The following SNX25 variants were observed in gnomAD, a reference collection of about 807,000 sequenced individuals.
The protein encoded by SNX25 is sorting nexin 25.
Under a neutral mutation model 113.7 loss-of-function variants are expected in SNX25, and 62 were observed. That is an observed-to-expected ratio of 0.55 (90% confidence interval 0.44 to 0.67). The LOEUF (loss-of-function observed/expected upper bound fraction) is 0.67. Among genes scored for constraint, SNX25 ranks in the 30% least tolerant of loss-of-function variants. The pLI is 0.00. For synonymous variants in SNX25, 421 were observed against 436.2 expected, an observed-to-expected ratio of 0.97 and a Z score of 0.43; for missense variants, 1,014 against 1,161.0, an observed-to-expected ratio of 0.87 and a Z score of 1.84.
chr4:185,248,777 C>T (rs931672347), intron 2 of SNX25, among the ~76,000 whole-genome samples: 4 of 152,310 alleles, frequency 2.6e-5, no homozygotes, highest in Admixed American at 1.3e-4. Context: ...TGTATAACCA[C>T]CTCATTCAAA....
chr4:185,216,512 G>GTTTTTTTTTT (rs1560894560), intron 1 of SNX25, among the ~76,000 whole-genome samples: 3 of 117,856 alleles, frequency 2.5e-5, no homozygotes, highest in Middle Eastern at 4.1e-3. Flanking sequence ...GTGTGTATTT[G>GTTTTTTTTTT]GTTTTTTTTT....
chr4:185,310,711 G>C lies in SNX25; in HGVS notation c.1239G>C (p.Val413=), dbSNP rs1362812460. ...AGAGGTACATCAACCAACTGACTGTGGCAAAGAAGCAGTGTGAGAAGAGAA... is the reference window on the plus strand; with the variant it reads ...AGAGGTACATCAACCAACTGACTGTCGCAAAGAAGCAGTGTGAGAAGAGAA... ...NMKRYINQLT[V]AKKQCEKRIR... The change falls in exon 7 of 19, where the codon GTG becomes GTC. Residue 413 remains valine (V), a synonymous_variant. Coordinates refer to ENST00000652585, the MANE Select transcript of SNX25 (RefSeq NM_001378034.2). The C allele has an allele frequency of 7.4e-6, 12 of 1,614,106 alleles. No individual in the cohort carries two copies. The highest frequency in any genetic ancestry group is 1.0e-5 in the Non-Finnish European group (12 of 1,179,990).
chr4:185,253,888 G>C (rs114316096), intron 2 of SNX25, among the ~76,000 whole-genome samples: 1 of 152,226 alleles, frequency 6.6e-6, no homozygotes, highest in African/African-American at 2.4e-5. Flanking sequence ...GTCATAACTT[G>C]AAAACAATCA....
At chr4:185,293,005 C>G (rs963468199) in intron 6 of SNX25, among the ~76,000 whole-genome samples, 20 of 152,266 alleles carry the variant, frequency 1.3e-4, no homozygotes, top group Non-Finnish European at 5.9e-5. Context: ...AAAATACTTG[C>G]AAATCATGTA....
rs186537895 is a variant in SNX25, at chr4:185,300,208, G to A, written c.1163-10427G>A. Among the ~76,000 whole-genome samples the A allele has an allele frequency of 1.8e-3, 268 of 151,892 alleles. 2 individuals carry two copies. The highest frequency in any genetic ancestry group is 0.014 in the East Asian group (71 of 5,172). The stretch of plus-strand genomic sequence containing the variant: ...GGAGCCTCGCTCTGTCGCCCAGGCC[G>A]GAGTGCGATGGCACGATCTCAGCTC... On this transcript the variant is annotated intron_variant, in intron 6 of 18. Transcript: ENST00000652585.
At chr4:185,373,224 C>G (rs2095421956), downstream of SNX25, 2 of 701,794 alleles carry the variant, frequency 2.8e-6, no homozygotes, top group Non-Finnish European at 4.7e-6. Context: ...GGACGCATTT[C>G]ACACTAGCAC....
At chr4:185,264,157 C>T (rs1239119428) in intron 3 of SNX25, among the ~76,000 whole-genome samples, 1 of 152,050 alleles carries the variant, frequency 6.6e-6, no homozygotes, top group African/African-American at 2.4e-5. Flanking sequence ...AATACTCGTA[C>T]CTTTTTAGAT....
At chr4:185,315,185 G>A (rs2095062486) in intron 7 of SNX25, among the ~76,000 whole-genome samples, 1 of 150,218 alleles carries the variant, frequency 6.7e-6, no homozygotes, top group Non-Finnish European at 1.5e-5. Flanking sequence ...CCGAGATTGT[G>A]CCACTGCACT....
intron 9 of SNX25, among the ~76,000 whole-genome samples, chr4:185,327,831 G>C (rs1216379056): frequency 6.6e-6 from 1 of 152,186 alleles, no homozygotes; most frequent in East Asian, 1.9e-4. Context: ...CACAAGCAAA[G>C]ATTATTCTGT....
Position 185,363,365 on chromosome 4 carries a change from T to G in SNX25, c.2935-20T>G. 2 of 1,613,224 alleles carry G rather than the reference T, an allele frequency of 1.2e-6. No homozygotes were observed. Among genetic ancestry groups the G allele is most frequent in the Non-Finnish European group, 1.7e-6 (2 of 1,179,446 alleles). ...TGGAGAAAAACATTTTTCCACTTTT[T>G]TCCTTCTTTGTTGGTTCAGGCGCTG... is the stretch of plus-strand genomic sequence containing the variant. On this transcript the variant is annotated intron_variant, in intron 18 of 18. Coordinates refer to ENST00000652585, the MANE Select transcript of SNX25 (RefSeq NM_001378034.2). The surrounding 1 kb of genome is among the most constrained non-coding windows in gnomAD (Gnocchi z 4.2).
At chr4:185,217,227 T>G (rs1738999884) in intron 1 of SNX25, among the ~76,000 whole-genome samples, 1 of 148,802 alleles carries the variant, frequency 6.7e-6, no homozygotes, top group Admixed American at 6.8e-5. Context: ...CACTCCAGCC[T>G]GGGTGATAGA....
At chr4:185,294,259 C>A (rs1752562226) in intron 6 of SNX25, among the ~76,000 whole-genome samples, 1 of 152,170 alleles carries the variant, frequency 6.6e-6, no homozygotes, top group Non-Finnish European at 1.5e-5. Context: ...CCCATTGCTG[C>A]AGGCTGGTGA....
rs1211704653 is a variant in SNX25, at chr4:185,210,204, C to T, written c.378C>T (p.Ala126=). The change falls in exon 1 of 19, where the codon GCC becomes GCT. Residue 126 remains alanine (A), a synonymous_variant. Transcript: ENST00000652585. This position sits in a 1 kb window ranked among gnomAD's most constrained non-coding sequence, Gnocchi z 4.4. ...RSPRAQPPDF[A]AAWSRLAATS... The stretch of plus-strand genomic sequence containing the variant: ...CGCGCGCCCAGCCGCCCGACTTCGC[C>T]GCCGCCTGGAGCCGGCTGGCCGCGA... 1.0e-6 allele frequency: 1 copy of T among 984,872 alleles called. No homozygotes were observed. Among genetic ancestry groups the T allele is most frequent in the African/African-American group, 1.8e-5 (1 of 57,078 alleles). 61.0% of individuals were successfully genotyped at this position (984,872 alleles called of 1,614,324 possible).
At chr4:185,247,155 C>T in intron 1 of SNX25, 139 bp from the exon 2 acceptor site, 2 of 577,536 alleles carry the variant, frequency 3.5e-6, no homozygotes, top group Non-Finnish European at 3.0e-6. Context: ...CATTTATTTA[C>T]TTTTGTGGAA....
intron 6 of SNX25, among the ~76,000 whole-genome samples, chr4:185,308,686 T>C (rs1754829782): frequency 1.3e-5 from 2 of 152,238 alleles, no homozygotes; most frequent in South Asian, 4.1e-4. Context: ...AGTGTATACA[T>C]AGATAAACAC....
At chr4:185,375,655 T>C in the SNX25 span, 1 of 1,612,360 alleles carries the variant, frequency 6.2e-7, no homozygotes, top group Non-Finnish European at 8.5e-7. Flanking sequence ...ACATCACTCC[T>C]AGCTGGTAAG....
intron 6 of SNX25, among the ~76,000 whole-genome samples, chr4:185,305,881 G>T (rs897192980): frequency 6.6e-6 from 1 of 152,114 alleles, no homozygotes. Context: ...GGCGAAACCC[G>T]TGATTACTTT....
At chr4:185,367,277 A>C (rs1318310336), downstream of SNX25, 10 of 1,574,962 alleles carry the variant, frequency 6.3e-6, no homozygotes, top group South Asian at 1.1e-4. Context: ...ATATTTAGAT[A>C]CATTCTAATT....
At chr4:185,366,340 C>T (rs1319124530), downstream of SNX25, 1 of 152,136 alleles carries the variant, frequency 6.6e-6, no homozygotes, top group Non-Finnish European at 1.5e-5. Flanking sequence ...AGCTGAAGCA[C>T]AAAGAAACAA....
Sources: allele counts gnomAD v4.1 joint callset (sites outside exome capture counted in the v4.1 genomes callset), GRCh38; gene constraint gnomAD v4.1.1; non-coding constraint Gnocchi (gnomAD v3.1); transcripts MANE v1.5; gene names NCBI Gene and HGNC (gene_info 2026-07-23, HGNC 2026-07-21).